Variants in CCDC122 observed in about 807,000 individuals in gnomAD.
The protein encoded by CCDC122 is coiled-coil domain-containing protein 122.
A neutral mutation model predicts 37.0 loss-of-function variants in CCDC122; 38 were observed. That is an observed-to-expected ratio of 1.03 (90% CI 0.79 to 1.35). CCDC122 has a LOEUF of 1.35. CCDC122 is among the 40% of genes most tolerant of loss of function. CCDC122 has a pLI of 0.00. For missense variants in CCDC122, 305 were observed against 310.0 expected, an observed-to-expected ratio of 0.98 and a Z score of 0.12; for synonymous variants, 83 against 95.6, an observed-to-expected ratio of 0.87 and a Z score of 0.77.
At chr13:43,870,353 T>G (rs1954405841) in intron 2 of CCDC122, among the ~76,000 whole-genome samples, 2 of 152,132 alleles carry the variant, frequency 1.3e-5, no homozygotes, top group African/African-American at 4.8e-5. Flanking sequence ...GTTACATCCT[T>G]TCTGCTCAAC....
chr13:43,850,630 A>G (rs1808097), intron 6 of CCDC122, among the ~76,000 whole-genome samples: 57,080 of 152,066 alleles, frequency 0.38, 10,984 homozygotes, highest in East Asian at 0.52. Context: ...TCTGAACAAA[A>G]GGGAGAAAAT....
At chr13:43,863,675 T>TTGTG (rs55637761) in intron 4 of CCDC122, among the ~76,000 whole-genome samples, 23 of 149,480 alleles carry the variant, frequency 1.5e-4, no homozygotes, top group East Asian at 5.9e-4. Context: ...TTCTAGTGGG[T>TTGTG]TGTGTGTGTG....
At chr13:43,830,241 G>T (rs1009394214) in intron 3 of CCDC122, among the ~76,000 whole-genome samples, 2 of 152,170 alleles carry the variant, frequency 1.3e-5, no homozygotes, top group African/African-American at 4.8e-5. Flanking sequence ...ACAGTGATTA[G>T]ATTTCTTCCC....
At chr13:43,869,700 A>C (rs1198382116) in intron 2 of CCDC122, among the ~76,000 whole-genome samples, 1 of 151,822 alleles carries the variant, frequency 6.6e-6, no homozygotes, top group African/African-American at 2.4e-5. Context: ...AAACTTCATA[A>C]GGCTGTTCTA....
At chr13:43,822,661 C>G (rs1298865057), downstream of CCDC122, among the ~76,000 whole-genome samples, 1 of 152,210 alleles carries the variant, frequency 6.6e-6, no homozygotes. Context: ...CAATACAAAG[C>G]CTTTCCCACT....
chr13:43,866,347 G>A (rs1265158988), intron 4 of CCDC122, among the ~76,000 whole-genome samples: 1 of 152,180 alleles, frequency 6.6e-6, no homozygotes, highest in African/African-American at 2.4e-5. Flanking sequence ...GGTTGTTAGT[G>A]TTAGAAAATG....
At chr13:43,851,914 T>C (rs968612009) in intron 6 of CCDC122, among the ~76,000 whole-genome samples, 4 of 150,162 alleles carry the variant, frequency 2.7e-5, no homozygotes, top group Non-Finnish European at 4.4e-5. Context: ...CCACCTAATA[T>C]AACAATCAAA....
chr13:43,829,879 T>G (rs1953072358), intron 3 of CCDC122, among the ~76,000 whole-genome samples: 1 of 152,116 alleles, frequency 6.6e-6, no homozygotes, highest in Admixed American at 6.5e-5. Flanking sequence ...CTAGATTTAT[T>G]TATTAATTTT....
intron 6 of CCDC122, among the ~76,000 whole-genome samples, chr13:43,843,925 T>C (rs1294388318): frequency 6.6e-6 from 1 of 151,918 alleles, no homozygotes; most frequent in African/African-American, 2.4e-5. Context: ...TGGAGTAATG[T>C]CCCTACTAAT....
At chr13:43,865,329 A>C (rs1444707306) in intron 4 of CCDC122, among the ~76,000 whole-genome samples, 1 of 152,062 alleles carries the variant, frequency 6.6e-6, no homozygotes, top group Non-Finnish European at 1.5e-5. Flanking sequence ...TATGGGACTG[A>C]GCCCTTTAAC....
chr13:43,849,602 G>T (rs1953657998), intron 6 of CCDC122, among the ~76,000 whole-genome samples: 1 of 152,104 alleles, frequency 6.6e-6, no homozygotes, highest in Non-Finnish European at 1.5e-5. Context: ...CAGACAAAAA[G>T]CCCTAAGAAA....
At chr13:43,862,914 TAC>T (rs1348732203) in intron 4 of CCDC122, among the ~76,000 whole-genome samples, 1 of 152,126 alleles carries the variant, frequency 6.6e-6, no homozygotes, top group Non-Finnish European at 1.5e-5. Flanking sequence ...ACATGAGAAT[TAC>T]GTTATTTTTT....
At chr13:43,878,243 C>T (rs1030790894) in intron 1 of CCDC122, 1 of 150,188 alleles carries the variant, frequency 6.7e-6, no homozygotes, top group African/African-American at 2.4e-5. Flanking sequence ...TAATTGTGGT[C>T]TTTGTCAATG....
At chr13:43,858,593 T>G (rs1236746803) in intron 6 of CCDC122, 188 bp downstream of exon 6, 3 of 320,490 alleles carry the variant, frequency 9.4e-6, no homozygotes, top group African/African-American at 6.6e-5. Flanking sequence ...ATTCACATAT[T>G]TGAACATCTT....
Position 43,837,329 on chromosome 13 carries a change from A to G in CCDC122, c.773T>C (p.Leu258Ser), listed in dbSNP as rs762268323. The G allele has an allele frequency of 4.3e-6, 7 of 1,613,862 alleles. No individual in the cohort carries two copies. Among genetic ancestry groups the G allele is most frequent in the Non-Finnish European group, 5.9e-6 (7 of 1,179,986 alleles). Residue 258 changes from leucine (L) to serine (S), a missense_variant, in exon 7 of 7, where the codon TTG becomes TCG. Coordinates refer to ENST00000444614, the MANE Select transcript of CCDC122 (RefSeq NM_144974.5). ...RRQWQWNIQQ[L>S]EKTAAELRKC... ...TCTTAATTCGGCTGCAGTTTTTTCC[A>G]ATTGTTGAATGTTCCATTGCCACTG...
At chr13:43,832,649 C>A (rs1953100476), downstream of CCDC122, among the ~76,000 whole-genome samples, 1 of 151,986 alleles carries the variant, frequency 6.6e-6, no homozygotes, top group Non-Finnish European at 1.5e-5. Context: ...GTATGCCTTG[C>A]AATATATCAA....
At chr13:43,825,788 A>G (rs1566936933) in intron 3 of CCDC122, among the ~76,000 whole-genome samples, 2 of 151,066 alleles carry the variant, frequency 1.3e-5, no homozygotes, top group African/African-American at 4.9e-5. Flanking sequence ...AAAAAAAAAA[A>G]AGGGAGGGAG....
intron 4 of CCDC122, among the ~76,000 whole-genome samples, chr13:43,860,770 C>G (rs1954077494): frequency 1.3e-5 from 2 of 152,090 alleles, no homozygotes; most frequent in African/African-American, 2.4e-5. Context: ...TAATTTCACC[C>G]AAATTTACAT....
chr13:43,862,554 G>T (rs1443133453), intron 4 of CCDC122, among the ~76,000 whole-genome samples: 1 of 152,052 alleles, frequency 6.6e-6, no homozygotes, highest in Non-Finnish European at 1.5e-5. Context: ...TTTATTGCTT[G>T]CTTCCCCTGA....
Sources: gnomAD v4.1 joint callset for allele counts (sites outside exome capture counted in the v4.1 genomes callset) on GRCh38, gnomAD v4.1.1 for gene constraint, MANE v1.5 for transcripts, NCBI Gene and HGNC (gene_info 2026-07-23, HGNC 2026-07-21) for gene names.